The following CALN1 variants were observed in gnomAD, a reference collection of about 807,000 sequenced individuals.
CALN1 encodes the protein calneuron 1.
In CALN1, 17 loss-of-function variants were observed where a neutral mutation model predicts 30.6. The ratio of observed to expected loss-of-function variants is 0.56; its 90% CI spans 0.38 to 0.83. The LOEUF is 0.83. Ranked by LOEUF, CALN1 falls within the 40% of genes least tolerant of loss-of-function variation. The pLI is 0.00. For synonymous variants in CALN1, 156 were observed against 131.4 expected (o/e 1.19, Z -1.28); for missense variants, 291 against 354.9 (o/e 0.82, Z 1.45).
intron 5 of CALN1, among the ~76,000 whole-genome samples, chr7:71,996,795 A>G (rs1243325998): frequency 6.6e-6 from 1 of 152,238 alleles, no homozygotes; most frequent in Non-Finnish European, 1.5e-5. Context: ...TTAAATTAAA[A>G]AAAGAAGTCA....
At chr7:72,264,677 GGTT>G (rs948753715) in intron 3 of CALN1, among the ~76,000 whole-genome samples, 15 of 152,042 alleles carry the variant, frequency 9.9e-5, no homozygotes, top group East Asian at 7.8e-4. Context: ...GATTTTTTGT[GGTT>G]GTTGTTAACA....
intron 5 of CALN1, among the ~76,000 whole-genome samples, chr7:71,917,462 T>C (rs1794737674): frequency 6.6e-6 from 1 of 152,232 alleles, no homozygotes; most frequent in African/African-American, 2.4e-5. Context: ...TAAATGGTGA[T>C]GAATATGCTA....
At chr7:72,139,145 T>C (rs1475299864) in intron 3 of CALN1, among the ~76,000 whole-genome samples, 2 of 152,194 alleles carry the variant, frequency 1.3e-5, no homozygotes, top group African/African-American at 4.8e-5. Context: ...AACAAGCAGG[T>C]TGCTATTCCA....
chr7:71,790,311 GAAGA>G lies in CALN1; in HGVS notation c.659-2413_659-2410del, dbSNP rs780525924. On this transcript the variant is annotated intron_variant, in intron 6 of 6. Transcript: ENST00000395275. ...AACGAAGGAAGGAAGGAGAAAGAAA[GAAGA>G]AAGAAAGAAAGAAGGAAAGAAAGAA... is the stretch of plus-strand genomic sequence containing the variant. Among the ~76,000 whole-genome samples, 369 of 133,298 alleles carry G rather than the reference GAAGA, an allele frequency of 2.8e-3. 4 individuals are homozygous for G. The highest frequency in any genetic ancestry group is 3.2e-3 in the African/African-American group (114 of 35,426). The allele number at this position is 133,298 out of a possible 152,430, so 87.4% of individuals were successfully genotyped here. A position where few individuals can be genotyped will look rare whatever the true frequency, so the allele number is the denominator to read the frequency against.
chr7:71,984,442 C>T (rs1798559071), intron 5 of CALN1, among the ~76,000 whole-genome samples: 1 of 152,258 alleles, frequency 6.6e-6, no homozygotes, highest in Non-Finnish European at 1.5e-5. Flanking sequence ...TCACAATAAC[C>T]AAAATAGCAA....
At chr7:72,348,946 A>C (rs1211357176) in intron 2 of CALN1, among the ~76,000 whole-genome samples, 1 of 151,922 alleles carries the variant, frequency 6.6e-6, no homozygotes. Context: ...ATCTGCAGAA[A>C]GGGGCTTTCG....
At chr7:72,243,660 T>C (rs1047406450) in intron 3 of CALN1, among the ~76,000 whole-genome samples, 1 of 152,032 alleles carries the variant, frequency 6.6e-6, no homozygotes, top group Non-Finnish European at 1.5e-5. Flanking sequence ...CTGGAGTGAG[T>C]GACCTTAGAC....
chr7:72,215,735 G>C (rs933231593), intron 3 of CALN1, among the ~76,000 whole-genome samples: 2 of 152,244 alleles, frequency 1.3e-5, no homozygotes, highest in Non-Finnish European at 2.9e-5. Flanking sequence ...AGCTGTGGAT[G>C]GACCCAGCTA....
At chr7:71,855,182 G>A (rs946519093) in intron 5 of CALN1, among the ~76,000 whole-genome samples, 5 of 152,148 alleles carry the variant, frequency 3.3e-5, no homozygotes, top group African/African-American at 9.7e-5. Flanking sequence ...GCATTCTAGC[G>A]TCGTTCTCCA....
In CALN1 at chr7:72,386,242, T is replaced by TA. The variant is rs541081065; in HGVS notation, c.119+17008dup. Among the ~76,000 whole-genome samples the TA allele has an allele frequency of 3.3e-4, 50 of 152,272 alleles. No homozygotes were observed. In the East Asian group the frequency reaches 6.8e-3, roughly 21 times the overall value. ...AATGAATCTTAATGCATGCAAATTT[T>TA]AAAAAATGATCTAGGAGGTCCATGG... On this transcript the variant is annotated intron_variant, in intron 2 of 6. Transcript: ENST00000395275.
rs140562100 is a variant in CALN1, at chr7:71,920,070, A to C, written c.501+103587T>G. Among the ~76,000 whole-genome samples the C allele has an allele frequency of 3.0e-4, 45 of 152,332 alleles. No homozygotes were observed. The East Asian group carries it at 8.5e-3, about 29-fold the overall frequency. ...TCAAAAGCATATGAAAGCTTCTGCT[A>C]AGTCTTGCAATAAAACAAGCTGTTT... On this transcript the variant is annotated intron_variant, in intron 5 of 6. Coordinates refer to ENST00000395275, the MANE Select transcript of CALN1 (RefSeq NM_031468.4).
At chr7:72,402,704 G>C (rs973993553) in intron 2 of CALN1, among the ~76,000 whole-genome samples, 2 of 152,140 alleles carry the variant, frequency 1.3e-5, no homozygotes, top group Non-Finnish European at 1.5e-5. Context: ...ACCCCGAACT[G>C]ACCGCATCAA....
intron 5 of CALN1, among the ~76,000 whole-genome samples, chr7:71,987,019 G>A (rs564541267): frequency 5.9e-5 from 9 of 152,008 alleles, no homozygotes; most frequent in East Asian, 5.8e-4. Flanking sequence ...CCAGCTACTC[G>A]GGAGGTGGAG....
chr7:71,819,148 T>C lies in CALN1; in HGVS notation c.502-8656A>G, dbSNP rs189241150. 5.3e-3 allele frequency among the ~76,000 whole-genome samples: 801 copies of C among 152,178 alleles called. 6 individuals carry two copies. The highest frequency in any genetic ancestry group is 8.5e-3 in the Non-Finnish European group (581 of 68,000). The stretch of plus-strand genomic sequence containing the variant: ...GGGACTACAGACATGCACCACCACT[T>C]GTTTTTATTTATTTATTTTTATTGT... On this transcript the variant is annotated intron_variant, in intron 5 of 6. Coordinates refer to ENST00000395275, the MANE Select transcript of CALN1 (RefSeq NM_031468.4).
intron 4 of CALN1, among the ~76,000 whole-genome samples, chr7:72,091,847 T>C (rs538020249): frequency 2.0e-5 from 3 of 152,348 alleles, no homozygotes; most frequent in Admixed American, 2.0e-4. Context: ...ATATTTTTAA[T>C]GTGAGATTTT....
At chr7:72,209,324 CCCTCTTTCCTTCCCTCTT>C (rs1562740130) in intron 3 of CALN1, among the ~76,000 whole-genome samples, 93 of 65,570 alleles carry the variant, frequency 1.4e-3, no homozygotes, top group Middle Eastern at 6.8e-3. Context: ...TTCCCTCCTT[CCCTCTTTCCTTCCCTCTT>C]TCCTTCCCTC....
intron 5 of CALN1, among the ~76,000 whole-genome samples, chr7:71,840,255 G>T (rs1240889649): frequency 6.6e-6 from 1 of 152,074 alleles, no homozygotes; most frequent in Non-Finnish European, 1.5e-5. Flanking sequence ...TTGAGCCCAG[G>T]AGTTCAATGC....
chr7:72,344,572 T>G (rs1802529047), intron 2 of CALN1, among the ~76,000 whole-genome samples: 1 of 147,410 alleles, frequency 6.8e-6, no homozygotes, highest in Admixed American at 6.8e-5. Flanking sequence ...ATATATTTAT[T>G]TATATATTCT....
At chr7:72,077,757 G>T (rs1378319097) in intron 4 of CALN1, among the ~76,000 whole-genome samples, 1 of 152,202 alleles carries the variant, frequency 6.6e-6, no homozygotes, top group Non-Finnish European at 1.5e-5. Context: ...CACCCATTGT[G>T]CTTGCATTTG....
Sources: gnomAD v4.1 joint callset for allele counts (sites outside exome capture counted in the v4.1 genomes callset) on GRCh38, gnomAD v4.1.1 for gene constraint, MANE v1.5 for transcripts, NCBI Gene and HGNC (gene_info 2026-07-23, HGNC 2026-07-21) for gene names.